The following PPP2R2B variants were observed in gnomAD, a reference collection of about 807,000 sequenced individuals.
PPP2R2B encodes protein phosphatase 2 regulatory subunit Bbeta, also known as serine/threonine-protein phosphatase 2A 55 kDa regulatory subunit B beta isoform.
A neutral mutation model predicts 46.0 loss-of-function variants in PPP2R2B; 5 were observed. The observed-to-expected ratio is 0.11, with a 90% CI of 0.06 to 0.23. The LOEUF is 0.23. PPP2R2B is among the 10% of genes least tolerant of loss of function. The pLI is 1.00. For synonymous variants in PPP2R2B, 215 were observed against 206.7 expected, an observed-to-expected ratio of 1.04 and a Z score of -0.34; for missense variants, 367 against 575.0, an observed-to-expected ratio of 0.64 and a Z score of 3.70.
intron 1 of PPP2R2B, among the ~76,000 whole-genome samples, chr5:146,885,035 A>G: frequency 6.6e-6 from 1 of 152,326 alleles, no homozygotes; most frequent in South Asian, 2.1e-4. Context: ...CAAATGCCCA[A>G]CAAAATAATT....
intron 1 of PPP2R2B, among the ~76,000 whole-genome samples, chr5:146,908,949 G>A (rs1358586308): frequency 6.6e-6 from 1 of 152,056 alleles, no homozygotes; most frequent in Non-Finnish European, 1.5e-5. Flanking sequence ...TACAGGGGTG[G>A]GCCCTGGAGC....
intron 2 of PPP2R2B, among the ~76,000 whole-genome samples, chr5:146,850,312 A>C (rs1417706457): frequency 1.3e-5 from 2 of 152,170 alleles, no homozygotes; most frequent in East Asian, 3.8e-4. Context: ...TATTCTTTGC[A>C]CTGCAGCCAG....
chr5:146,686,087 G>T (rs1389083393), intron 5 of PPP2R2B, among the ~76,000 whole-genome samples: 1 of 152,182 alleles, frequency 6.6e-6, no homozygotes, highest in Non-Finnish European at 1.5e-5. Flanking sequence ...CCGTTTTCTA[G>T]CCATGAGATT....
At chr5:146,646,556 G>A (rs1775592620) in intron 6 of PPP2R2B, among the ~76,000 whole-genome samples, 1 of 152,154 alleles carries the variant, frequency 6.6e-6, no homozygotes, top group South Asian at 2.1e-4. Context: ...TTATCATGAG[G>A]TTTAGAAATG....
At chr5:146,992,773 A>T (rs1753751485) in intron 1 of PPP2R2B, among the ~76,000 whole-genome samples, 1 of 152,240 alleles carries the variant, frequency 6.6e-6, no homozygotes, top group Non-Finnish European at 1.5e-5. Flanking sequence ...TTACAGACTT[A>T]TAATTTCATT....
chr5:146,597,430 C>T (rs1771285841), intron 8 of PPP2R2B, among the ~76,000 whole-genome samples: 2 of 152,118 alleles, frequency 1.3e-5, no homozygotes, highest in African/African-American at 4.8e-5. Context: ...CATTATTTCC[C>T]CTTTTCCCTA....
intron 2 of PPP2R2B, among the ~76,000 whole-genome samples, chr5:146,806,743 T>A (rs1442265427): frequency 2.0e-5 from 3 of 152,156 alleles, no homozygotes; most frequent in Non-Finnish European, 4.4e-5. Flanking sequence ...ATGAGTGGAG[T>A]AATCTCTGCC....
At chr5:146,651,628 C>T (rs892174447) in intron 5 of PPP2R2B, among the ~76,000 whole-genome samples, 2 of 152,050 alleles carry the variant, frequency 1.3e-5, no homozygotes, top group Non-Finnish European at 2.9e-5. Context: ...AGGGAACAAA[C>T]TAAAAAAACA....
intron 7 of PPP2R2B, among the ~76,000 whole-genome samples, chr5:146,625,560 T>A (rs1401053812): frequency 6.6e-6 from 1 of 151,992 alleles, no homozygotes; most frequent in Non-Finnish European, 1.5e-5. Flanking sequence ...GAGACCAAAA[T>A]AGAAAGAGGT....
At chr5:147,055,447 C>A (rs956558082) in intron 1 of PPP2R2B, among the ~76,000 whole-genome samples, 1 of 152,208 alleles carries the variant, frequency 6.6e-6, no homozygotes, top group Non-Finnish European at 1.5e-5. Flanking sequence ...TTTGAGATTA[C>A]CTCTGCAACA....
At chr5:146,692,527 A>ATTTTTTTTTTTTTTTTTT (rs34156552) in intron 4 of PPP2R2B, among the ~76,000 whole-genome samples, 1 of 111,066 alleles carries the variant, frequency 9.0e-6, no homozygotes, top group Non-Finnish European at 1.8e-5. Flanking sequence ...TTTTAATTCA[A>ATTTTTTTTTTTTTTTTTT]TTTTTTTTTT....
At chr5:146,778,736 C>G (rs527330413) in intron 2 of PPP2R2B, among the ~76,000 whole-genome samples, 2 of 152,260 alleles carry the variant, frequency 1.3e-5, no homozygotes, top group East Asian at 3.9e-4. Context: ...GTAAATGACA[C>G]AGTCATCAGA....
intron 2 of PPP2R2B, among the ~76,000 whole-genome samples, chr5:147,062,798 G>T (rs1044636737): frequency 6.6e-6 from 1 of 151,936 alleles, no homozygotes; most frequent in African/African-American, 2.4e-5. Context: ...GAAAGAGTTT[G>T]CCAATGACTA....
At chr5:146,769,105 T>G (rs1754679711) in intron 2 of PPP2R2B, among the ~76,000 whole-genome samples, 1 of 152,284 alleles carries the variant, frequency 6.6e-6, no homozygotes, top group East Asian at 1.9e-4. Flanking sequence ...CTTGAACTCC[T>G]GGCCTCAAGC....
chr5:147,014,298 C>G (rs1264657670), intron 1 of PPP2R2B, among the ~76,000 whole-genome samples: 2 of 148,542 alleles, frequency 1.3e-5, no homozygotes, highest in East Asian at 4.0e-4. Flanking sequence ...GGACTGTAAA[C>G]TAGTTCAACC....
At chr5:147,009,062 A>T (rs1463451201) in intron 1 of PPP2R2B, among the ~76,000 whole-genome samples, 1 of 152,202 alleles carries the variant, frequency 6.6e-6, no homozygotes, top group Non-Finnish European at 1.5e-5. Context: ...CATTACTTTT[A>T]GAAAGCTCTT....
At chr5:146,628,567 C>T (rs984146449) in intron 7 of PPP2R2B, among the ~76,000 whole-genome samples, 3 of 152,174 alleles carry the variant, frequency 2.0e-5, no homozygotes, top group African/African-American at 7.2e-5. Flanking sequence ...TGCAATTCCC[C>T]AGCACTAGAC....
rs1006775789 is a variant in PPP2R2B at position 147,071,802 on chromosome 5, G to A, written c.50+9257C>T. On this transcript the variant is annotated intron_variant, in intron 2 of 10. Coordinates refer to the PPP2R2B transcript ENST00000394413. ...ATTCCACTTGTTTATTACGTCTATTGTCTAGCCCCTCCACTATTGAATCTC... is the reference window on the plus strand; with the variant it reads ...ATTCCACTTGTTTATTACGTCTATTATCTAGCCCCTCCACTATTGAATCTC... 2.0e-5 allele frequency among the ~76,000 whole-genome samples: 3 copies of A among 152,080 alleles called. No individual in the cohort carries two copies. In the East Asian group the frequency reaches 5.8e-4, roughly 29 times the overall value.
At chr5:146,621,565 C>T (rs1773702533) in intron 7 of PPP2R2B, among the ~76,000 whole-genome samples, 1 of 152,166 alleles carries the variant, frequency 6.6e-6, no homozygotes, top group South Asian at 2.1e-4. Flanking sequence ...GTTTGGGCTT[C>T]ATTAGCTATG....
Sources: gnomAD v4.1 joint callset for allele counts (sites outside exome capture counted in the v4.1 genomes callset) on GRCh38, gnomAD v4.1.1 for gene constraint, MANE v1.5 for transcripts, NCBI Gene and HGNC (gene_info 2026-07-23, HGNC 2026-07-21) for gene names.